Variants in CLUL1 observed in about 807,000 individuals in gnomAD.
CLUL1 encodes the protein clusterin-like protein 1.
Under a neutral mutation model 49.4 loss-of-function variants are expected in CLUL1, and 43 were observed. The observed-to-expected ratio is 0.87, with a 90% CI of 0.68 to 1.12. CLUL1 has a LOEUF of 1.12. Among genes scored for constraint, CLUL1 ranks in the 50% most tolerant of loss-of-function variants. CLUL1 has a pLI of 0.00. For synonymous variants in CLUL1, 192 were observed against 184.9 expected (o/e 1.04, Z -0.31); for missense variants, 486 against 544.4 (o/e 0.89, Z 1.07).
intron 7 of CLUL1, among the ~76,000 whole-genome samples, chr18:637,600 A>G (rs2074184610): frequency 6.6e-6 from 1 of 152,140 alleles, no homozygotes; most frequent in Admixed American, 6.6e-5. Context: ...TTGGGCAGAA[A>G]AGCGTTTGGA....
chr18:621,577 T>C (rs1426086151), intron 4 of CLUL1, among the ~76,000 whole-genome samples: 1 of 152,208 alleles, frequency 6.6e-6, no homozygotes, highest in Non-Finnish European at 1.5e-5. Context: ...CCTGGTGGGC[T>C]TGTGAGCCTG....
intron 6 of CLUL1, among the ~76,000 whole-genome samples, chr18:628,365 T>A (rs1201986112): frequency 6.6e-6 from 1 of 152,246 alleles, no homozygotes; most frequent in African/African-American, 2.4e-5. Context: ...AAATATTAGA[T>A]AAGAATTGCC....
chr18:639,423 TC>T (rs1567975510), intron 7 of CLUL1, among the ~76,000 whole-genome samples: 1 of 84,680 alleles, frequency 1.2e-5, no homozygotes, highest in Non-Finnish European at 2.0e-5. Flanking sequence ...AGAGCGAGAC[TC>T]CATCTCAAAA....
At chr18:628,915 G>GAGCCACCACACCCAGCC (rs199585721) in intron 6 of CLUL1, among the ~76,000 whole-genome samples, 10 of 152,006 alleles carry the variant, frequency 6.6e-5, no homozygotes, top group African/African-American at 9.6e-5. Context: ...TTACAAGCAT[G>GAGCCACCACACCCAGCC]AGCCACCACA....
rs59972294 is a variant in CLUL1, at chr18:628,971, C to G, written c.856+1442C>G. On this transcript the variant is annotated intron_variant, in intron 6 of 9. Transcript: ENST00000692774. ...AGCCAGCCACCACTCCTGACCCTAT[C>G]TGACTATTTTTCAATTATATTAGCT... Among the ~76,000 whole-genome samples the G allele has an allele frequency of 8.6e-3, 1,315 of 152,220 alleles. 22 individuals carry two copies. Among genetic ancestry groups the G allele is most frequent in the African/African-American group, 0.03 (1,251 of 41,530 alleles).
At chr18:612,174 T>G (rs747082851) in intron 2 of CLUL1, among the ~76,000 whole-genome samples, 1 of 152,236 alleles carries the variant, frequency 6.6e-6, no homozygotes, top group Non-Finnish European at 1.5e-5. Flanking sequence ...ACAACAACAG[T>G]GGCCTTTTAA....
At chr18:649,756 A>G (rs567058962) in intron 9 of CLUL1, 142 bp from the exon 10 acceptor site, 192 of 623,472 alleles carry the variant, frequency 3.1e-4, no homozygotes, top group Non-Finnish European at 4.7e-4. Context: ...TTATTTTGCT[A>G]CATACAGTAC....
intron 1 of CLUL1, among the ~76,000 whole-genome samples, chr18:603,438 G>T (rs577430): frequency 6.6e-6 from 1 of 152,028 alleles, no homozygotes; most frequent in Admixed American, 6.6e-5. Context: ...GCACAGCACA[G>T]TGTAGACAAT....
chr18:616,816 A>G, intron 2 of CLUL1: 2 of 317,800 alleles, frequency 6.3e-6, no homozygotes, highest in Non-Finnish European at 9.1e-6. Flanking sequence ...TAATGATAGA[A>G]GAAGAGTTAG....
At position 618,673 on chromosome 18, in the gene CLUL1, GA is replaced by G. The variant is rs2073382249; in HGVS notation, c.107-538del. On this transcript the variant is annotated intron_variant, in intron 3 of 9. Coordinates refer to ENST00000692774, the MANE Select transcript of CLUL1 (RefSeq NM_001393344.1). This position sits in a 1 kb window ranked among gnomAD's most constrained non-coding sequence, Gnocchi z 4.2. ...CTCAGTAGGCCACGTTGGCTATTTT[GA>G]ACAGGGAATGACAATGAATTTTAAA... is the stretch of plus-strand genomic sequence containing the variant. 6.6e-6 allele frequency among the ~76,000 whole-genome samples: 1 copy of G among 152,110 alleles called. No homozygotes were observed. The highest frequency in any genetic ancestry group is 1.5e-5 in the Non-Finnish European group (1 of 68,014).
intron 2 of CLUL1, among the ~76,000 whole-genome samples, chr18:612,080 C>T (rs886266580): frequency 1.3e-5 from 2 of 152,208 alleles, no homozygotes; most frequent in African/African-American, 4.8e-5. Flanking sequence ...CAAAGAGGCA[C>T]CATTATCTCT....
chr18:631,267 A>G (rs965999991), intron 6 of CLUL1, among the ~76,000 whole-genome samples: 1 of 152,202 alleles, frequency 6.6e-6, no homozygotes, highest in East Asian at 1.9e-4. Context: ...GAATCTGTTG[A>G]AAGCGAATAG....
At chr18:609,480 C>G (rs949328213) in intron 2 of CLUL1, among the ~76,000 whole-genome samples, 5 of 151,986 alleles carry the variant, frequency 3.3e-5, no homozygotes, top group African/African-American at 1.2e-4. Flanking sequence ...ACTGTGACCC[C>G]ATCACATGAG....
intron 8 of CLUL1, among the ~76,000 whole-genome samples, chr18:644,322 C>G (rs2074414649): frequency 6.6e-6 from 1 of 152,202 alleles, no homozygotes; most frequent in East Asian, 1.9e-4. Flanking sequence ...AAGAGAGTAA[C>G]ATACATGTTA....
chr18:642,293 G>A (rs1402812048), intron 8 of CLUL1, among the ~76,000 whole-genome samples: 3 of 152,012 alleles, frequency 2.0e-5, no homozygotes, highest in Non-Finnish European at 4.4e-5. Flanking sequence ...TTAGCCAAGT[G>A]TGATGGCACA....
rs1300889193 is a variant in CLUL1 at position 606,391 on chromosome 18, A to C, written c.-135-587A>C. Among the ~76,000 whole-genome samples, 1 of 152,212 alleles carries C rather than the reference A, an allele frequency of 6.6e-6. No homozygotes were observed. Among genetic ancestry groups the C allele is most frequent in the Non-Finnish European group, 1.5e-5 (1 of 68,028 alleles). Reference sequence around the variant, plus strand: ...CACCAACCTTTCTCTGAGGGAACCTACTGGCCACCTCCCTCTTAGGACCAG... The same window carrying C: ...CACCAACCTTTCTCTGAGGGAACCTCCTGGCCACCTCCCTCTTAGGACCAG... On this transcript the variant is annotated intron_variant, in intron 1 of 9. Transcript: ENST00000692774. This position sits in a 1 kb window ranked among gnomAD's most constrained non-coding sequence, Gnocchi z 4.1.
intron 4 of CLUL1, among the ~76,000 whole-genome samples, chr18:620,597 C>CA (rs917407673): frequency 3.3e-5 from 5 of 152,212 alleles, no homozygotes; most frequent in Admixed American, 1.3e-4. Flanking sequence ...CAGTATCTGA[C>CA]ATATGCATCT....
At chr18:641,188 A>G in intron 7 of CLUL1, 139 bp from the exon 8 acceptor site, 3 of 641,122 alleles carry the variant, frequency 4.7e-6, no homozygotes, top group South Asian at 3.9e-5. Flanking sequence ...TAATTACTCC[A>G]GAACAACAGG....
At chr18:621,735 G>T (rs2073492043) in intron 4 of CLUL1, among the ~76,000 whole-genome samples, 2 of 152,184 alleles carry the variant, frequency 1.3e-5, no homozygotes, top group South Asian at 4.1e-4. Context: ...TAATTAACAT[G>T]TTACTCCAAC....
Sources: gnomAD v4.1 joint callset for allele counts (sites outside exome capture counted in the v4.1 genomes callset) on GRCh38, gnomAD v4.1.1 for gene constraint, Gnocchi (gnomAD v3.1) non-coding constraint, MANE v1.5 for transcripts, NCBI Gene and HGNC (gene_info 2026-07-23, HGNC 2026-07-21) for gene names.